Variants in NCOA2 observed in about 807,000 individuals in gnomAD.
The protein encoded by NCOA2 is nuclear receptor coactivator 2.
In NCOA2, 21 loss-of-function variants were observed where a neutral mutation model predicts 145.1. The observed-to-expected ratio is 0.14, with a 90% CI of 0.10 to 0.21. The LOEUF (loss-of-function observed/expected upper bound fraction) is 0.21, where lower values mean the gene tolerates loss of function less well. Ranked by LOEUF, NCOA2 falls within the 10% of genes least tolerant of loss-of-function variation. The pLI is 1.00. For synonymous variants in NCOA2, 619 were observed against 637.5 expected (o/e 0.97, Z 0.44); for missense variants, 1,472 against 1,837.6 (o/e 0.80, Z 3.64).
the NCOA2 span, among the ~76,000 whole-genome samples, chr8:70,454,305 A>G: frequency 6.6e-6 from 1 of 152,238 alleles, no homozygotes; most frequent in African/African-American, 2.4e-5. Context: ...CACGCTCATG[A>G]CAGCTCGGCA....
chr8:70,208,971 C>A (rs1321298348), intron 4 of NCOA2, among the ~76,000 whole-genome samples: 1 of 152,172 alleles, frequency 6.6e-6, no homozygotes, highest in Non-Finnish European at 1.5e-5. Context: ...GGTGTATCTG[C>A]CACAGGCAGT....
chr8:70,184,580 A>T (rs1815842308), intron 4 of NCOA2, among the ~76,000 whole-genome samples: 4 of 152,186 alleles, frequency 2.6e-5, no homozygotes, highest in Admixed American at 2.6e-4. Flanking sequence ...GGATTGGCCG[A>T]AGGGCTAAAA....
At chr8:70,260,442 G>A (rs1024674812) in intron 2 of NCOA2, among the ~76,000 whole-genome samples, 1 of 152,114 alleles carries the variant, frequency 6.6e-6, no homozygotes, top group Non-Finnish European at 1.5e-5. Flanking sequence ...GGCTGGAAAT[G>A]AGTCTTTAAC....
chr8:70,210,364 CT>C lies in NCOA2; in HGVS notation c.259+3538del, dbSNP rs1818885377. Among the ~76,000 whole-genome samples the C allele has an allele frequency of 3.3e-5, 5 of 152,272 alleles. No individual in the cohort carries two copies. The South Asian group carries it at 1.0e-3, about 32-fold the overall frequency. The stretch of plus-strand genomic sequence containing the variant: ...CTTAATTACTAAGTAACTAACTTAG[CT>C]AATAACTAAGGATTATGAATGTCGG... On this transcript the variant is annotated intron_variant, in intron 4 of 22. Transcript: ENST00000452400.
chr8:70,147,127 CGTGT>C (rs1195939923), intron 12 of NCOA2, among the ~76,000 whole-genome samples: 28 of 144,784 alleles, frequency 1.9e-4, no homozygotes, highest in Middle Eastern at 3.5e-3. Flanking sequence ...CGCGCGCGCG[CGTGT>C]GTGTGTGTGT....
chr8:70,185,093 A>C (rs1360072702), intron 4 of NCOA2, among the ~76,000 whole-genome samples: 1 of 152,094 alleles, frequency 6.6e-6, no homozygotes, highest in Non-Finnish European at 1.5e-5. Context: ...ATCTGATGTC[A>C]TTCTAAAGAG....
intron 1 of NCOA2, among the ~76,000 whole-genome samples, chr8:70,350,753 A>G (rs1346245968): frequency 1.3e-5 from 2 of 152,250 alleles, no homozygotes; most frequent in East Asian, 1.9e-4. Flanking sequence ...ACCAAATTCA[A>G]TAATTTGTTT....
chr8:70,342,693 T>C (rs1433034508), intron 1 of NCOA2, among the ~76,000 whole-genome samples: 2 of 150,746 alleles, frequency 1.3e-5, no homozygotes, highest in East Asian at 4.0e-4. Flanking sequence ...ATACACATTA[T>C]AATATTACTA....
intron 1 of NCOA2, among the ~76,000 whole-genome samples, chr8:70,390,840 T>C (rs2131610823): frequency 6.6e-6 from 1 of 152,280 alleles, no homozygotes. Context: ...ATATTACTAC[T>C]ACTACTTCTC....
At chr8:70,150,320 C>T (rs1462973062) in intron 11 of NCOA2, among the ~76,000 whole-genome samples, 1 of 152,190 alleles carries the variant, frequency 6.6e-6, no homozygotes, top group Non-Finnish European at 1.5e-5. Context: ...ATCCTTAAAG[C>T]TCTGTAGGAA....
chr8:70,349,180 C>G (rs1808950533), intron 1 of NCOA2, among the ~76,000 whole-genome samples: 1 of 151,808 alleles, frequency 6.6e-6, no homozygotes, highest in Non-Finnish European at 1.5e-5. Context: ...ATAGTCCCTA[C>G]TATTAAAATG....
At chr8:70,357,218 T>A (rs1294557021) in intron 1 of NCOA2, 1 of 151,992 alleles carries the variant, frequency 6.6e-6, no homozygotes, top group African/African-American at 2.4e-5. Flanking sequence ...TGTCTCTATA[T>A]GCCAGCAATG....
At chr8:70,243,174 T>A (rs772365007) in intron 2 of NCOA2, among the ~76,000 whole-genome samples, 20 of 152,004 alleles carry the variant, frequency 1.3e-4, no homozygotes, top group Non-Finnish European at 2.5e-4. Flanking sequence ...AACAAAACCA[T>A]CAGGAATAAA....
chr8:70,454,685 AAC>A, the NCOA2 span, among the ~76,000 whole-genome samples: 46 of 152,296 alleles, frequency 3.0e-4, no homozygotes, highest in East Asian at 8.3e-3. Flanking sequence ...GCCAATAACA[AAC>A]ACAAATTCGA....
chr8:70,118,620 C>A (rs751955746), intron 22 of NCOA2, among the ~76,000 whole-genome samples: 1 of 152,056 alleles, frequency 6.6e-6, no homozygotes, highest in Non-Finnish European at 1.5e-5. Context: ...TTAACCAAAT[C>A]ATCAAATACC....
chr8:70,434,719 C>T, the NCOA2 span, among the ~76,000 whole-genome samples: 1 of 152,088 alleles, frequency 6.6e-6, no homozygotes, highest in South Asian at 2.1e-4. Flanking sequence ...ATGTGGGTGC[C>T]ACCATGCCCA....
At chr8:70,405,520 AGTTT>A (rs1378094225), upstream of NCOA2, among the ~76,000 whole-genome samples, 117 of 111,718 alleles carry the variant, frequency 1.0e-3, 2 homozygotes, top group Non-Finnish European at 8.3e-4. Flanking sequence ...GGAAATGGAG[AGTTT>A]GTTTATGGCC....
chr8:70,290,398 C>T (rs1826576555), intron 2 of NCOA2, among the ~76,000 whole-genome samples: 1 of 152,036 alleles, frequency 6.6e-6, no homozygotes, highest in Non-Finnish European at 1.5e-5. Flanking sequence ...CCATGTTAGC[C>T]AGGATGGTCT....
the NCOA2 span, among the ~76,000 whole-genome samples, chr8:70,411,894 G>A: frequency 2.0e-5 from 3 of 152,192 alleles, no homozygotes; most frequent in Admixed American, 6.5e-5. Context: ...TTTCTAATCC[G>A]AGTGGAGGTT....
Sources: gnomAD v4.1 joint callset for allele counts (sites outside exome capture counted in the v4.1 genomes callset) on GRCh38, gnomAD v4.1.1 for gene constraint, MANE v1.5 for transcripts, NCBI Gene and HGNC (gene_info 2026-07-23, HGNC 2026-07-21) for gene names.